DPYD: variants seen among roughly 807,000 people sequenced by gnomAD.
DPYD encodes the protein dihydropyrimidine dehydrogenase.
A neutral mutation model predicts 116.2 loss-of-function variants in DPYD; 109 were observed. The observed-to-expected ratio is 0.94, with a 90% CI of 0.80 to 1.10. The LOEUF (loss-of-function observed/expected upper bound fraction) is 1.10, where lower values mean the gene tolerates loss of function less well. Ranked by LOEUF, DPYD falls within the 50% of genes least tolerant of loss-of-function variation. DPYD has a pLI of 0.00. For synonymous variants in DPYD, 440 were observed against 432.0 expected (o/e 1.02, Z -0.23); for missense variants, 1,302 against 1,254.5 (o/e 1.04, Z -0.57).
At chr1:97,103,490 A>T (rs1026004847) in intron 20 of DPYD, among the ~76,000 whole-genome samples, 4 of 152,146 alleles carry the variant, frequency 2.6e-5, no homozygotes, top group Non-Finnish European at 5.9e-5. Flanking sequence ...ATGGCTAATG[A>T]TGCAAATCAG....
At chr1:97,556,516 C>A (rs1214981874) in intron 11 of DPYD, among the ~76,000 whole-genome samples, 2 of 115,910 alleles carry the variant, frequency 1.7e-5, no homozygotes, top group East Asian at 2.9e-4. Context: ...TCCCCCCACC[C>A]CACAACAGTC....
intron 18 of DPYD, among the ~76,000 whole-genome samples, chr1:97,272,106 C>T (rs1250664107): frequency 6.6e-6 from 1 of 152,182 alleles, no homozygotes; most frequent in Non-Finnish European, 1.5e-5. Context: ...CAATTTGACA[C>T]TCAGCCAAGT....
intron 14 of DPYD, among the ~76,000 whole-genome samples, chr1:97,402,324 C>A (rs565703994): frequency 6.6e-6 from 1 of 152,208 alleles, no homozygotes; most frequent in East Asian, 1.9e-4. Context: ...TCTCCTCACA[C>A]AGATCTTGTC....
At chr1:97,468,793 G>A in intron 13 of DPYD, among the ~76,000 whole-genome samples, 1 of 152,170 alleles carries the variant, frequency 6.6e-6, no homozygotes, top group East Asian at 1.9e-4. Context: ...CAGAGGGTGA[G>A]CTGAAACACC....
chr1:97,780,220 T>A (rs1341006718), intron 3 of DPYD, among the ~76,000 whole-genome samples: 1 of 152,200 alleles, frequency 6.6e-6, no homozygotes, highest in Non-Finnish European at 1.5e-5. Context: ...AACATTTCAG[T>A]AAAATGCTCA....
chr1:97,393,739 C>A (rs1003882213), intron 14 of DPYD, among the ~76,000 whole-genome samples: 3 of 152,006 alleles, frequency 2.0e-5, no homozygotes, highest in African/African-American at 7.2e-5. Flanking sequence ...GTGAATAGTG[C>A]CACAATAAAC....
chr1:97,431,049 T>A (rs1332197836), intron 14 of DPYD, among the ~76,000 whole-genome samples: 4 of 152,142 alleles, frequency 2.6e-5, no homozygotes, highest in Admixed American at 2.0e-4. Flanking sequence ...TTAATTAATT[T>A]ATTTTTTCTT....
At chr1:97,562,898 T>TG (rs1652259413) in intron 11 of DPYD, among the ~76,000 whole-genome samples, 1 of 151,972 alleles carries the variant, frequency 6.6e-6, no homozygotes, top group Non-Finnish European at 1.5e-5. Context: ...TTTTGTTTTT[T>TG]CAGTAGAGAC....
chr1:97,659,036 C>T (rs1028200200), intron 8 of DPYD, among the ~76,000 whole-genome samples: 2 of 152,170 alleles, frequency 1.3e-5, no homozygotes, highest in Non-Finnish European at 2.9e-5. Context: ...TTTTCTATGG[C>T]TCCCTCCCTG....
intron 19 of DPYD, among the ~76,000 whole-genome samples, chr1:97,222,070 T>G (rs1660815208): frequency 6.6e-6 from 1 of 152,048 alleles, no homozygotes; most frequent in African/African-American, 2.4e-5. Context: ...GTTTAGAAAG[T>G]AATATGTGAA....
At chr1:97,881,291 C>A (rs1348307360) in intron 2 of DPYD, among the ~76,000 whole-genome samples, 3 of 151,950 alleles carry the variant, frequency 2.0e-5, no homozygotes, top group East Asian at 3.9e-4. Context: ...GTGAAAAACT[C>A]AGGGAGAAGA....
intron 12 of DPYD, 96 bp downstream of exon 12, chr1:97,549,464 T>C: frequency 2.2e-6 from 3 of 1,334,524 alleles, no homozygotes; most frequent in South Asian, 2.4e-5. Context: ...GCTTATTATA[T>C]ACCAAATAGA....
At chr1:97,781,858 T>G (rs1666765526) in intron 3 of DPYD, among the ~76,000 whole-genome samples, 1 of 152,312 alleles carries the variant, frequency 6.6e-6, no homozygotes, top group Middle Eastern at 3.4e-3. Context: ...CTTATAAATT[T>G]AGATACAGCT....
intron 8 of DPYD, among the ~76,000 whole-genome samples, chr1:97,640,064 A>C (rs1657798457): frequency 6.6e-6 from 1 of 152,168 alleles, no homozygotes; most frequent in South Asian, 2.1e-4. Context: ...ACATCAGAAA[A>C]TCTATCTGTC....
intron 14 of DPYD, among the ~76,000 whole-genome samples, chr1:97,448,209 TC>T (rs954441411): frequency 6.6e-5 from 10 of 152,098 alleles, no homozygotes; most frequent in Admixed American, 3.9e-4. Flanking sequence ...GGGACCCATC[TC>T]TAGTTAAAAA....
At chr1:97,729,358 G>A (rs528458158) in intron 4 of DPYD, among the ~76,000 whole-genome samples, 27 of 152,020 alleles carry the variant, frequency 1.8e-4, no homozygotes, top group African/African-American at 3.6e-4. Flanking sequence ...TTCCTTCTTC[G>A]TCAGGCATAT....
chr1:97,745,234 T>C (rs1341343461), intron 3 of DPYD, among the ~76,000 whole-genome samples: 2 of 152,118 alleles, frequency 1.3e-5, no homozygotes, highest in Non-Finnish European at 2.9e-5. Flanking sequence ...GCAGCTATGA[T>C]AACATCAATG....
intron 16 of DPYD, among the ~76,000 whole-genome samples, chr1:97,321,925 TC>T (rs1394275218): frequency 1.0e-4 from 4 of 39,214 alleles, no homozygotes; most frequent in Non-Finnish European, 2.2e-4. Context: ...TGAGTTCATG[TC>T]CTTTGTAGGG....
rs904956976 is a variant in DPYD at position 97,428,922 on chromosome 1, T to C, written c.1905+21137A>G. Among the ~76,000 whole-genome samples, 4 of 152,054 alleles carry C rather than the reference T, an allele frequency of 2.6e-5. No individual in the cohort carries two copies. In the East Asian group the frequency reaches 7.7e-4, roughly 29 times the overall value. On this transcript the variant is annotated intron_variant, in intron 14 of 22. Transcript: ENST00000370192. ...AGTGGGCTTTTTGTTAATAGATTAT[T>C]AGGTAAATAGGGTATTAAATTTTTT... is the stretch of plus-strand genomic sequence containing the variant.
Sources: gnomAD v4.1 joint callset for allele counts (sites outside exome capture counted in the v4.1 genomes callset) on GRCh38, gnomAD v4.1.1 for gene constraint, MANE v1.5 for transcripts, NCBI Gene and HGNC (gene_info 2026-07-23, HGNC 2026-07-21) for gene names.